CTCF: variants seen among roughly 807,000 people sequenced by gnomAD.
The protein encoded by CTCF is CCCTC-binding factor.
A neutral mutation model predicts 72.3 loss-of-function variants in CTCF; 7 were observed. The observed-to-expected ratio is 0.10, with a 90% CI of 0.06 to 0.18. The LOEUF (loss-of-function observed/expected upper bound fraction) is 0.18. Ranked by LOEUF, CTCF falls within the 10% of genes least tolerant of loss-of-function variation. CTCF has a pLI of 1.00. For synonymous variants in CTCF, 374 were observed against 315.8 expected (o/e 1.18, Z -1.95); for missense variants, 516 against 949.1 (o/e 0.54, Z 6.00).
intron 2 of CTCF, among the ~76,000 whole-genome samples, chr16:67,592,706 A>G (rs1182640461): frequency 6.6e-6 from 1 of 151,840 alleles, no homozygotes; most frequent in Non-Finnish European, 1.5e-5. Context: ...CTCCGTCTCA[A>G]AAACAACAAC....
chr16:67,587,506 A>T (rs1168596890), intron 2 of CTCF, among the ~76,000 whole-genome samples: 1 of 151,030 alleles, frequency 6.6e-6, no homozygotes, highest in Non-Finnish European at 1.5e-5. Flanking sequence ...AGTTCACCCT[A>T]TCATGTGTGC....
At chr16:67,593,659 C>G (rs1408070794) in intron 2 of CTCF, among the ~76,000 whole-genome samples, 1 of 152,104 alleles carries the variant, frequency 6.6e-6, no homozygotes, top group Non-Finnish European at 1.5e-5. Flanking sequence ...TTCATGGGGT[C>G]TTAGAGCTGC....
At chr16:67,628,954 A>G (rs144669002) in intron 9 of CTCF, among the ~76,000 whole-genome samples, 1 of 152,014 alleles carries the variant, frequency 6.6e-6, no homozygotes, top group Non-Finnish European at 1.5e-5. Flanking sequence ...CAGGAGGCTG[A>G]GGCAGGAGGA....
chr16:67,588,690 AAT>A (rs1408866418), intron 2 of CTCF, among the ~76,000 whole-genome samples: 2 of 151,404 alleles, frequency 1.3e-5, no homozygotes, highest in African/African-American at 4.8e-5. Flanking sequence ...ACATCAAAAT[AAT>A]ATATATTTTT....
intron 2 of CTCF, among the ~76,000 whole-genome samples, chr16:67,575,579 G>A (rs2051485138): frequency 6.6e-6 from 1 of 152,028 alleles, no homozygotes; most frequent in East Asian, 1.9e-4. Flanking sequence ...TGAATAGCTA[G>A]GACTACAGGT....
At chr16:67,583,312 T>A (rs2051616446) in intron 2 of CTCF, among the ~76,000 whole-genome samples, 1 of 152,100 alleles carries the variant, frequency 6.6e-6, no homozygotes, top group Non-Finnish European at 1.5e-5. Flanking sequence ...AAGAAGTAGA[T>A]GATACACATT....
intron 2 of CTCF, among the ~76,000 whole-genome samples, chr16:67,594,578 TA>T (rs1001316385): frequency 2.0e-5 from 3 of 151,738 alleles, no homozygotes; most frequent in African/African-American, 4.8e-5. Context: ...TAGTGATGCG[TA>T]AAAAAACTTC....
At chr16:67,610,097 A>G (rs778407894) in intron 2 of CTCF, among the ~76,000 whole-genome samples, 16 of 152,122 alleles carry the variant, frequency 1.1e-4, no homozygotes, top group African/African-American at 1.7e-4. Context: ...GCTGAGAACT[A>G]CTGATCTACT....
At chr16:67,590,446 C>T (rs967094001) in intron 2 of CTCF, among the ~76,000 whole-genome samples, 2 of 151,778 alleles carry the variant, frequency 1.3e-5, no homozygotes, top group African/African-American at 4.8e-5. Flanking sequence ...ATTTTCATTT[C>T]CCTTTTAATT....
At chr16:67,614,076 G>T (rs149527491) in intron 4 of CTCF, among the ~76,000 whole-genome samples, 1 of 152,116 alleles carries the variant, frequency 6.6e-6, no homozygotes, top group Non-Finnish European at 1.5e-5. Context: ...GCCGGGCGCC[G>T]TAGCTCTCGC....
chr16:67,564,879 T>TC (rs2051321967), intron 1 of CTCF, among the ~76,000 whole-genome samples: 1 of 152,218 alleles, frequency 6.6e-6, no homozygotes, highest in Non-Finnish European at 1.5e-5. Context: ...ATAGACCTTT[T>TC]CCACACAGTT....
At chr16:67,631,200 T>TTG (rs1010212299) in intron 10 of CTCF, among the ~76,000 whole-genome samples, 1 of 148,316 alleles carries the variant, frequency 6.7e-6, no homozygotes, top group African/African-American at 2.5e-5. Context: ...TGTCTCCCTC[T>TTG]TGTTGCCCAG....
At chr16:67,566,515 T>TAAAAAAA (rs377253111) in intron 1 of CTCF, among the ~76,000 whole-genome samples, 3 of 76,252 alleles carry the variant, frequency 3.9e-5, no homozygotes, top group Admixed American at 3.3e-4. Context: ...GTCTCAAAAT[T>TAAAAAAA]AAAAAAAAAA....
intron 1 of CTCF, among the ~76,000 whole-genome samples, chr16:67,565,400 A>C (rs201971981): frequency 6.6e-6 from 1 of 151,574 alleles, no homozygotes; most frequent in Non-Finnish European, 1.5e-5. Flanking sequence ...TGTGGCTGGG[A>C]GCGGTGGCTC....
chr16:67,603,681 C>T (rs372102268), intron 2 of CTCF, among the ~76,000 whole-genome samples: 7 of 150,474 alleles, frequency 4.7e-5, no homozygotes, highest in African/African-American at 9.8e-5. Context: ...AAAAATTAGC[C>T]GGGCGTGGTG....
At chr16:67,635,481 TTTTG>T (rs964112166) in intron 10 of CTCF, 37 of 151,974 alleles carry the variant, frequency 2.4e-4, no homozygotes, top group Non-Finnish European at 4.3e-4. Flanking sequence ...CGTTTTTGTT[TTTTG>T]TTTGTTTGTT....
chr16:67,636,746 A>G lies in CTCF; in HGVS notation c.1894A>G (p.Ile632Val), dbSNP rs758212935. 1.2e-6 allele frequency: 2 copies of G among 1,609,978 alleles called. No individual in the cohort carries two copies. The highest frequency in any genetic ancestry group is 1.7e-6 in the Non-Finnish European group (2 of 1,178,146). ...GGATGAGGAGGAGCCTGCCGTAGAA[A>G]TTGAACCTGAGCCAGAGCCTCAGCC... ...NEDEEEPAVE[I>V]EPEPEPQPVT... The change falls in exon 11 of 12, where the codon ATT (isoleucine) becomes GTT (valine). Residue 632 changes from isoleucine (I) to valine (V), a missense_variant. By Grantham distance (29) the Ile-to-Val change is conservative. Coordinates refer to ENST00000264010, the MANE Select transcript of CTCF (RefSeq NM_006565.4).
intron 2 of CTCF, among the ~76,000 whole-genome samples, chr16:67,604,292 G>C (rs2051939691): frequency 6.6e-6 from 1 of 152,162 alleles, no homozygotes; most frequent in African/African-American, 2.4e-5. Context: ...CTGGGCAACA[G>C]AGCAAGTCTG....
intron 2 of CTCF, among the ~76,000 whole-genome samples, chr16:67,587,961 A>T (rs563805528): frequency 1.3e-5 from 2 of 152,176 alleles, no homozygotes; most frequent in South Asian, 4.2e-4. Flanking sequence ...AGGTCCAAGC[A>T]GTTCTCCTGA....
Sources: gnomAD v4.1 joint callset for allele counts (sites outside exome capture counted in the v4.1 genomes callset) on GRCh38, gnomAD v4.1.1 for gene constraint, MANE v1.5 for transcripts, NCBI Gene and HGNC (gene_info 2026-07-23, HGNC 2026-07-21) for gene names.